WDFY2: variants seen among roughly 807,000 people sequenced by gnomAD.
WDFY2 encodes the protein WD repeat and FYVE domain-containing protein 2.
WDFY2 carries 36 observed loss-of-function variants against 56.4 expected under a neutral mutation model. That is an observed-to-expected ratio of 0.64 (90% CI 0.49 to 0.84). The LOEUF is 0.84. Among genes scored for constraint, WDFY2 ranks in the 40% least tolerant of loss-of-function variants. The pLI is 0.00. For synonymous variants in WDFY2, 176 were observed against 183.7 expected (o/e 0.96, Z 0.34); for missense variants, 444 against 512.2 (o/e 0.87, Z 1.29).
chr13:51,731,465 A>G (rs1232009431), intron 6 of WDFY2, among the ~76,000 whole-genome samples: 1 of 152,254 alleles, frequency 6.6e-6, no homozygotes, highest in African/African-American at 2.4e-5. Flanking sequence ...ATATTTGAGA[A>G]AAACAGGAAA....
intron 1 of WDFY2, among the ~76,000 whole-genome samples, chr13:51,601,440 G>C (rs1046030052): frequency 6.7e-6 from 1 of 149,194 alleles, no homozygotes; most frequent in Admixed American, 6.7e-5. Context: ...TTTAGACATA[G>C]TTTTGCTTTT....
intron 1 of WDFY2, among the ~76,000 whole-genome samples, chr13:51,630,747 AT>A (rs559251788): frequency 0.015 from 2,031 of 134,932 alleles, 37 homozygotes; most frequent in African/African-American, 0.052. Context: ...TTTCACTGAA[AT>A]TTTTTTTTTC....
chr13:51,633,258 C>T (rs189215061), intron 1 of WDFY2, among the ~76,000 whole-genome samples: 52 of 152,322 alleles, frequency 3.4e-4, no homozygotes, highest in African/African-American at 1.3e-3. Flanking sequence ...TGTCAGTAGG[C>T]TCTGAAGTGG....
chr13:51,653,210 T>C (rs531549797), intron 1 of WDFY2, among the ~76,000 whole-genome samples: 1 of 152,358 alleles, frequency 6.6e-6, no homozygotes, highest in South Asian at 2.1e-4. Flanking sequence ...CTACTGAGGC[T>C]TGTGCATTTG....
At chr13:51,711,424 C>A (rs537355465) in intron 4 of WDFY2, among the ~76,000 whole-genome samples, 16 of 152,132 alleles carry the variant, frequency 1.1e-4, no homozygotes, top group African/African-American at 2.2e-4. Flanking sequence ...GCAACAAAAG[C>A]CAAAATTGAC....
chr13:51,591,208 T>A (rs986567274), intron 1 of WDFY2: 3 of 152,206 alleles, frequency 2.0e-5, no homozygotes, highest in African/African-American at 7.2e-5. Context: ...AAATCTCAAG[T>A]GGAGGAAAGC....
Position 51,682,693 on chromosome 13 carries a change from A to G in WDFY2, c.279+7450A>G, listed in dbSNP as rs140642596. On this transcript the variant is annotated intron_variant, in intron 3 of 11. Coordinates refer to ENST00000298125, the MANE Select transcript of WDFY2 (RefSeq NM_052950.4). ...ATAGGGTTGTTATTAGGACTATCTG[A>G]TATATACATGGAAAGCTCTTAGAAC... Among the ~76,000 whole-genome samples the G allele has an allele frequency of 1.9e-3, 284 of 152,250 alleles. 1 individual carries two copies. Among genetic ancestry groups the G allele is most frequent in the African/African-American group, 6.5e-3 (271 of 41,540 alleles).
Position 51,763,150 on chromosome 13 carries a change from A to C in WDFY2, c.*3381A>C, listed in dbSNP as rs1196515141. The C allele has an allele frequency of 6.6e-6, 1 of 152,232 alleles. No individual in the cohort carries two copies. Among genetic ancestry groups the C allele is most frequent in the African/African-American group, 2.4e-5 (1 of 41,466 alleles). 9.4% of individuals were successfully genotyped at this position (152,232 alleles called of 1,614,324 possible). A position where few individuals can be genotyped will look rare whatever the true frequency, so the allele number is the denominator to read the frequency against. On this transcript the variant is annotated 3_prime_UTR_variant, in exon 12 of 12. Transcript: ENST00000298125. Reference sequence around the variant, plus strand: ...ATATGGCTGAGATGTAAACAAGAGAATCTAAAAGAATGTTCAAGGAATAGC... The same window carrying C: ...ATATGGCTGAGATGTAAACAAGAGACTCTAAAAGAATGTTCAAGGAATAGC...
Position 51,766,040 on chromosome 13 carries a change from A to G in WDFY2, c.*6271A>G, listed in dbSNP as rs528838732. ...TCACAAAAAAAGGGAAAATGATTTG[A>G]AAAATGTTTCACATATACACTTTTT... On this transcript the variant is annotated 3_prime_UTR_variant, in exon 12 of 12. Coordinates refer to ENST00000298125, the MANE Select transcript of WDFY2 (RefSeq NM_052950.4). 64 of 152,360 alleles carry G rather than the reference A, an allele frequency of 4.2e-4. No homozygotes were observed. The highest frequency in any genetic ancestry group is 1.5e-3 in the African/African-American group (61 of 41,580). The allele number at this position is 152,360 out of a possible 1,614,324, so 9.4% of individuals were successfully genotyped here.
chr13:51,670,594 A>T (rs1190020668), intron 2 of WDFY2, among the ~76,000 whole-genome samples: 1 of 150,860 alleles, frequency 6.6e-6, no homozygotes, highest in South Asian at 2.1e-4. Flanking sequence ...ATGCCTTTGG[A>T]TGTGCCTGGG....
chr13:51,704,719 G>A (rs1401178058), intron 4 of WDFY2, among the ~76,000 whole-genome samples: 1 of 151,874 alleles, frequency 6.6e-6, no homozygotes. Flanking sequence ...AGTTACCTGA[G>A]CCTTTATTCT....
Position 51,759,939 on chromosome 13 carries a change from C to T in WDFY2, c.*170C>T, listed in dbSNP as rs1953528338. The T allele has an allele frequency of 6.5e-6, 4 of 611,496 alleles. No individual in the cohort carries two copies. Among genetic ancestry groups the T allele is most frequent in the Admixed American group, 3.0e-5 (1 of 33,344 alleles). 37.9% of individuals were successfully genotyped at this position (611,496 alleles called of 1,614,324 possible). ...ACAGTGGGGACCTGGCCAGTGAGCA[C>T]TCGCAAGGGGACTCTTCCAACTTGT... is the stretch of plus-strand genomic sequence containing the variant. On this transcript the variant is annotated 3_prime_UTR_variant, in exon 12 of 12. Coordinates refer to ENST00000298125, the MANE Select transcript of WDFY2 (RefSeq NM_052950.4).
intron 2 of WDFY2, among the ~76,000 whole-genome samples, chr13:51,666,180 C>T (rs1345300793): frequency 6.6e-5 from 10 of 152,194 alleles, no homozygotes; most frequent in South Asian, 6.2e-4. Context: ...ACAGCATGAA[C>T]GATAGTCTGA....
At chr13:51,591,776 C>T (rs898215914) in intron 1 of WDFY2, 2 of 152,064 alleles carry the variant, frequency 1.3e-5, no homozygotes, top group African/African-American at 2.4e-5. Context: ...CTTTTTCTCC[C>T]GTTATGTAGT....
chr13:51,695,303 C>G (rs1304766281), intron 3 of WDFY2, among the ~76,000 whole-genome samples: 1 of 152,142 alleles, frequency 6.6e-6, no homozygotes, highest in Non-Finnish European at 1.5e-5. Context: ...TTTTCCCCAT[C>G]TTTGTGGTTT....
chr13:51,709,812 A>G (rs1048357572), intron 4 of WDFY2, among the ~76,000 whole-genome samples: 5 of 152,152 alleles, frequency 3.3e-5, no homozygotes, highest in African/African-American at 1.2e-4. Context: ...CAACCAAAAA[A>G]AGTCCAGGAC....
chr13:51,598,905 CTTTTTTTTT>C lies in WDFY2; in HGVS notation c.137+14095_137+14103del, dbSNP rs569169884. On this transcript the variant is annotated intron_variant, in intron 1 of 11. Transcript: ENST00000298125. ...GGCACTGGTCCACAAGTGCCATTTA[CTTTTTTTTT>C]TTTTTTTTTTTTTGAGACAGAGTCT... Among the ~76,000 whole-genome samples the C allele has an allele frequency of 3.5e-5, 4 of 115,746 alleles. No homozygotes were observed. In the South Asian group the frequency reaches 8.7e-4, roughly 25 times the overall value. 75.9% of individuals were successfully genotyped at this position (115,746 alleles called of 152,430 possible). A position where few individuals can be genotyped will look rare whatever the true frequency, so the allele number is the denominator to read the frequency against.
intron 5 of WDFY2, among the ~76,000 whole-genome samples, chr13:51,723,925 T>C (rs533911294): frequency 6.6e-6 from 1 of 152,338 alleles, no homozygotes; most frequent in East Asian, 1.9e-4. Context: ...TTCCCCTGCC[T>C]CATTAGCTAG....
intron 1 of WDFY2, among the ~76,000 whole-genome samples, chr13:51,647,574 G>A (rs1655677808): frequency 6.6e-6 from 1 of 152,146 alleles, no homozygotes. Context: ...GGGAAACACA[G>A]TGAGACCTCC....
Sources: allele counts gnomAD v4.1 joint callset (sites outside exome capture counted in the v4.1 genomes callset), GRCh38; gene constraint gnomAD v4.1.1; transcripts MANE v1.5; gene names NCBI Gene and HGNC (gene_info 2026-07-23, HGNC 2026-07-21).